The following DLG4 variants were observed in gnomAD, a reference collection of about 807,000 sequenced individuals.
DLG4 encodes disks large homolog 4.
DLG4 carries 7 observed loss-of-function variants against 93.8 expected under a neutral mutation model. The ratio of observed to expected loss-of-function variants is 0.07; its 90% CI spans 0.04 to 0.14. DLG4 has a LOEUF of 0.14. DLG4 is among the 10% of genes least tolerant of loss of function. DLG4 has a pLI of 1.00. For synonymous variants in DLG4, 341 were observed against 387.6 expected (o/e 0.88, Z 1.41); for missense variants, 545 against 992.9 (o/e 0.55, Z 6.06).
In DLG4 at chr17:7,195,983, G is replaced by A. The variant is rs1177696498; in HGVS notation, c.1301+237C>T. Among the ~76,000 whole-genome samples the A allele has an allele frequency of 6.6e-6, 1 of 152,246 alleles. No individual in the cohort carries two copies. The highest frequency in any genetic ancestry group is 1.9e-4 in the East Asian group (1 of 5,190). Reference sequence around the variant, plus strand: ...GGGAGTCCCGGGGAAGTGCTGGGATGACCAGGGGCTAGAAGGCAATTGGGA... The same window carrying A: ...GGGAGTCCCGGGGAAGTGCTGGGATAACCAGGGGCTAGAAGGCAATTGGGA... On this transcript the variant is annotated intron_variant, in intron 11 of 19. Transcript: ENST00000399506. The surrounding 1 kb of genome is among the most constrained non-coding windows in gnomAD (Gnocchi z 4.3).
rs1247165248 is a variant in DLG4 at position 7,189,266 on chromosome 17, T to C, written c.*1442A>G. On this transcript the variant is annotated 3_prime_UTR_variant, in exon 20 of 20. Transcript: ENST00000399506. ...CAGCACTTTGGGAGGCTGAGGCGGG[T>C]GGATAACAAGGTCAGGAGTTCAAGA... 1.3e-5 allele frequency among the ~76,000 whole-genome samples: 2 copies of C among 148,830 alleles called. No homozygotes were observed. Among genetic ancestry groups the C allele is most frequent in the Non-Finnish European group, 3.0e-5 (2 of 67,230 alleles).
chr17:7,198,889 G>A (rs1006759440), intron 8 of DLG4, among the ~76,000 whole-genome samples: 1 of 147,026 alleles, frequency 6.8e-6, no homozygotes, highest in East Asian at 2.0e-4. Flanking sequence ...GATGGCACTC[G>A]CCTGTAATCC....
At chr17:7,207,046 G>A (rs1343166217) in intron 2 of DLG4, among the ~76,000 whole-genome samples, 3 of 152,126 alleles carry the variant, frequency 2.0e-5, no homozygotes, top group African/African-American at 7.2e-5. Flanking sequence ...CCCGGGACTG[G>A]AGAGAGGAGG....
chr17:7,217,798 G>T (rs757466308), upstream of DLG4: 14 of 1,535,298 alleles, frequency 9.1e-6, no homozygotes, highest in Non-Finnish European at 1.2e-5. Context: ...AGCCACCAGC[G>T]ATGACAGCAA....
chr17:7,201,569 G>C (rs1337559687), intron 8 of DLG4, among the ~76,000 whole-genome samples: 2 of 152,132 alleles, frequency 1.3e-5, no homozygotes, highest in African/African-American at 4.8e-5. Context: ...GTGGGAAGAG[G>C]CATCCCTGCC....
rs1310058399 is a variant in DLG4, at chr17:7,189,756, T to C, written c.*952A>G. ...CTCAGTCTTCACCAACTCGGGTTCC[T>C]TGATTTGCCAGTTACCTCCCTGGCC... On this transcript the variant is annotated 3_prime_UTR_variant, in exon 20 of 20. Transcript: ENST00000399506. The C allele has an allele frequency of 1.3e-5, 2 of 152,438 alleles. No individual in the cohort carries two copies. The highest frequency in any genetic ancestry group is 1.3e-4 in the Admixed American group (2 of 15,250). 9.4% of individuals were successfully genotyped at this position (152,438 alleles called of 1,614,324 possible).
In DLG4 at chr17:7,187,547, CAATAAT is replaced by C. The variant is rs61283875; in HGVS notation, c.*3155_*3160del. On this transcript the variant is annotated 3_prime_UTR_variant, in exon 20 of 20. Coordinates refer to ENST00000399506, the MANE Select transcript of DLG4 (RefSeq NM_001321075.3). The stretch of plus-strand genomic sequence containing the variant: ...GGCAACAAGAGCGAAACTCTGTCTC[CAATAAT>C]AATAATAATAATAATAATAATAATA... 5.3e-4 allele frequency among the ~76,000 whole-genome samples: 77 copies of C among 145,864 alleles called. No homozygotes were observed. Among genetic ancestry groups the C allele is most frequent in the Middle Eastern group, 3.5e-3 (1 of 288 alleles).
At chr17:7,205,186 C>T (rs2070394273) in intron 2 of DLG4, 1 of 984,930 alleles carries the variant, frequency 1.0e-6, no homozygotes, top group Non-Finnish European at 1.2e-6. Context: ...ACGTCAGGAA[C>T]TGGGAGTGGT....
Position 7,196,101 on chromosome 17 carries a change from C to T in DLG4, c.1301+119G>A. The T allele has an allele frequency of 2.8e-6, 2 of 706,360 alleles. No individual in the cohort carries two copies. The highest frequency in any genetic ancestry group is 2.4e-6 in the Non-Finnish European group (1 of 425,436). The allele number at this position is 706,360 out of a possible 1,614,324, so 43.8% of individuals were successfully genotyped here. ...CCATGAACCCTGGCTGCGCCTCAGG[C>T]CTGGGGTGGGGAGCTAGAGCAGGCA... On this transcript the variant is annotated intron_variant, in intron 11 of 19. Transcript: ENST00000399506. This position sits in a 1 kb window ranked among gnomAD's most constrained non-coding sequence, Gnocchi z 8.3.
Position 7,197,033 on chromosome 17 carries a change from G to T in DLG4, c.807C>A (p.Asp269Glu). 1.2e-6 allele frequency: 2 copies of T among 1,611,394 alleles called. No homozygotes were observed. Among genetic ancestry groups the T allele is most frequent in the Admixed American group, 1.7e-5 (1 of 59,842 alleles). Residue 269 changes from aspartate (D) to glutamate (E), a missense_variant, in exon 9 of 20, where the codon GAC (aspartate) becomes GAA (glutamate). By Grantham distance (45) the Asp-to-Glu change is conservative. This residue lies in a region of DLG4 where 428 missense variants were observed against 741.4 expected (regional missense o/e 0.58). Transcript: ENST00000399506. ...GGTAGCTGCTGTGACTGATCTCATT[G>T]TCCAGGTGCTGGGAATAAGCTGAGG... ...DITTSYSQHLDNEISHSSYLG... is the reference protein window; with the variant it reads ...DITTSYSQHLENEISHSSYLG...
rs376252733 is a variant in DLG4, at chr17:7,193,835, C to T, written c.1543+9G>A. ...CTCACCCACATCTTCCCGAACTAAC[C>T]CTACCTACCCTGCGATCCAGAGCTG... On this transcript the variant is annotated intron_variant, in intron 14 of 19. Coordinates refer to ENST00000399506, the MANE Select transcript of DLG4 (RefSeq NM_001321075.3). This position sits in a 1 kb window ranked among gnomAD's most constrained non-coding sequence, Gnocchi z 6.7. The T allele has an allele frequency of 3.1e-6, 5 of 1,612,876 alleles. No homozygotes were observed. In the African/African-American group the frequency reaches 5.3e-5, roughly 17 times the overall value.
chr17:7,201,562 G>C (rs971944117), intron 8 of DLG4, among the ~76,000 whole-genome samples: 7 of 152,158 alleles, frequency 4.6e-5, no homozygotes. Flanking sequence ...AATAGCAGTG[G>C]GAAGAGGCAT....
At chr17:7,218,540 C>T, upstream of DLG4, 1 of 1,557,930 alleles carries the variant, frequency 6.4e-7, no homozygotes, top group South Asian at 1.2e-5. Flanking sequence ...GGGCTACTCA[C>T]CCAGCAAGGC....
chr17:7,203,316 G>A lies in DLG4; in HGVS notation c.519C>T (p.Ser173=), dbSNP rs998372014. 11 of 1,602,644 alleles carry A rather than the reference G, an allele frequency of 6.9e-6. 1 individual carries two copies. The South Asian group carries it at 1.1e-4, about 16-fold the overall frequency. ...LIKGPKGLGF[S]IAGGVGNQHI... ...GCTGGTTCCCTACGCCCCCTGCGAT[G>A]CTGAAGCCAAGACCTGGATGGAGGG... The change falls in exon 7 of 20, where the codon AGC becomes AGT. Residue 173 remains serine, a synonymous_variant. Coordinates refer to ENST00000399506, the MANE Select transcript of DLG4 (RefSeq NM_001321075.3). The surrounding 1 kb of genome is among the most constrained non-coding windows in gnomAD (Gnocchi z 7.2).
At chr17:7,192,570 G>A (rs1597440970) in intron 17 of DLG4, 1 of 255,684 alleles carries the variant, frequency 3.9e-6, no homozygotes, top group Non-Finnish European at 7.5e-6. Flanking sequence ...CCGGGCCCCA[G>A]AAAAGGGTGA....
intron 17 of DLG4, 93 bp downstream of exon 17, chr17:7,192,852 G>C (rs2069576530): frequency 7.3e-7 from 1 of 1,367,870 alleles, no homozygotes; most frequent in Non-Finnish European, 9.9e-7. Context: ...CAGGGAAAGA[G>C]ACAGAGAGAG....
At position 7,193,383 on chromosome 17, in the gene DLG4, A is replaced by G. The variant is rs1476099074; in HGVS notation, c.1693+100T>C. On this transcript the variant is annotated intron_variant, in intron 16 of 19. Coordinates refer to ENST00000399506, the MANE Select transcript of DLG4 (RefSeq NM_001321075.3). The surrounding 1 kb of genome is among the most constrained non-coding windows in gnomAD (Gnocchi z 6.7). ...GGAGAAACCCTGTATCTCCCTACAC[A>G]CCGATCCCCCAGGAGGCTCTGCCTA... 7 of 1,206,826 alleles carry G rather than the reference A, an allele frequency of 5.8e-6. No homozygotes were observed. The highest frequency in any genetic ancestry group is 7.9e-6 in the Non-Finnish European group (7 of 887,008). 74.8% of individuals were successfully genotyped at this position (1,206,826 alleles called of 1,614,324 possible). A position where few individuals can be genotyped will look rare whatever the true frequency, so the allele number is the denominator to read the frequency against.
At chr17:7,219,557 CTG>C, upstream of DLG4, 5 of 1,105,214 alleles carry the variant, frequency 4.5e-6, no homozygotes, top group Non-Finnish European at 5.6e-6. Flanking sequence ...ACCCTAGAGT[CTG>C]TCTTTCCATG....
Position 7,194,507 on chromosome 17 carries a change from G to C in DLG4, c.1302-12C>G. The C allele has an allele frequency of 1.3e-6, 2 of 1,594,348 alleles. No homozygotes were observed. The highest frequency in any genetic ancestry group is 1.7e-6 in the Non-Finnish European group (2 of 1,170,740). On this transcript the variant is annotated splice_polypyrimidine_tract_variant and intron_variant, in intron 11 of 19. Coordinates refer to ENST00000399506, the MANE Select transcript of DLG4 (RefSeq NM_001321075.3). This position sits in a 1 kb window ranked among gnomAD's most constrained non-coding sequence, Gnocchi z 4.4. ...AATCAAACAGGGCCCTGGAGGGCAAGTGGCTATCGGTCAGAGCCCAGCTGA... is the reference window on the plus strand; with the variant it reads ...AATCAAACAGGGCCCTGGAGGGCAACTGGCTATCGGTCAGAGCCCAGCTGA...
Sources: gnomAD v4.1 joint callset for allele counts (sites outside exome capture counted in the v4.1 genomes callset) on GRCh38, gnomAD v4.1.1 for gene constraint, gnomAD v4.1.1 regional missense constraint, Gnocchi (gnomAD v3.1) non-coding constraint, MANE v1.5 for transcripts, NCBI Gene and HGNC (gene_info 2026-07-23, HGNC 2026-07-21) for gene names.